ZNF114: variants seen among roughly 807,000 people sequenced by gnomAD.
ZNF114 encodes the protein zinc finger protein 114 (Y18).
Under a neutral mutation model 6.8 loss-of-function variants are expected in ZNF114, and 8 were observed. The ratio of observed to expected loss-of-function variants is 1.18; its 90% CI spans 0.69 to 2.13. ZNF114 has a LOEUF of 2.13. Ranked by LOEUF, ZNF114 falls within the 30% of genes most tolerant of loss-of-function variation. ZNF114 has a pLI of 0.00. For missense variants in ZNF114, 472 were observed against 519.5 expected (o/e 0.91, Z 0.89); for synonymous variants, 169 against 185.5 (o/e 0.91, Z 0.72).
intron 3 of ZNF114, among the ~76,000 whole-genome samples, chr19:48,277,851 C>A (rs1384016049): frequency 1.5e-5 from 1 of 68,804 alleles, no homozygotes; most frequent in Admixed American, 1.5e-4. Context: ...CGATATGAAG[C>A]CTTTTCATCT....
intron 4 of ZNF114, among the ~76,000 whole-genome samples, chr19:48,280,959 C>T (rs575212883): frequency 9.2e-5 from 14 of 152,252 alleles, no homozygotes; most frequent in Non-Finnish European, 1.8e-4. Context: ...GATTGAAGTC[C>T]GGTCGCGTGA....
intron 5 of ZNF114, among the ~76,000 whole-genome samples, 196 bp downstream of exon 5, chr19:48,282,693 ATATTTTATTT>A (rs139550788): frequency 0.2 from 30,206 of 149,900 alleles, 3,461 homozygotes; most frequent in Non-Finnish European, 0.25. Flanking sequence ...ATTTTATTTT[ATATTTTATTT>A]TATTTTATTT....
chr19:48,282,267 C>T, intron 4 of ZNF114, 104 bp from the exon 5 acceptor site: 15 of 1,484,384 alleles, frequency 1.0e-5, no homozygotes, highest in South Asian at 1.2e-5. Flanking sequence ...TTTGCAGGTA[C>T]CAAGGGTTAA....
At chr19:48,278,325 C>G (rs961497371) in intron 3 of ZNF114, among the ~76,000 whole-genome samples, 12 of 152,174 alleles carry the variant, frequency 7.9e-5, no homozygotes, top group Admixed American at 1.3e-4. Context: ...TTCCATCACC[C>G]CTGAAAGAAG....
In ZNF114 at chr19:48,286,410, T is replaced by A. The variant is rs745734288; in HGVS notation, c.786T>A (p.Ile262=). ...QCENTSRNNS[I]HAMQMQLYTA... ...AGAACACCTCCAGAAATAACTCAATTCACGCCATGCAGATGCAGTTGTATA... is the reference window on the plus strand; with the variant it reads ...AGAACACCTCCAGAAATAACTCAATACACGCCATGCAGATGCAGTTGTATA... The change falls in exon 6 of 6, where the codon ATT becomes ATA. Residue 262 remains isoleucine (I), a synonymous_variant. Coordinates refer to ENST00000595607, the MANE Select transcript of ZNF114 (RefSeq NM_153608.4). The A allele has an allele frequency of 6.2e-7, 1 of 1,614,150 alleles. No individual in the cohort carries two copies. Among genetic ancestry groups the A allele is most frequent in the Non-Finnish European group, 8.5e-7 (1 of 1,180,036 alleles).
Position 48,275,595 on chromosome 19 carries a change from G to A in ZNF114, c.-70+3767G>A, listed in dbSNP as rs1967807966. Among the ~76,000 whole-genome samples the A allele has an allele frequency of 3.3e-5, 5 of 152,074 alleles. No homozygotes were observed. The South Asian group carries it at 1.0e-3, about 31-fold the overall frequency. ...ACTGCACTCCAGCCTGGGTGATAGA[G>A]CGAGACCTTGTCTTGAAACATATAT... On this transcript the variant is annotated intron_variant, in intron 3 of 5. Coordinates refer to ENST00000595607, the MANE Select transcript of ZNF114 (RefSeq NM_153608.4).
chr19:48,283,686 T>C (rs1968048266), intron 5 of ZNF114, among the ~76,000 whole-genome samples: 1 of 151,692 alleles, frequency 6.6e-6, no homozygotes. Flanking sequence ...ACCGAGGAGA[T>C]GGGAGGAGAC....
At chr19:48,274,636 A>C (rs1291340167) in intron 3 of ZNF114, among the ~76,000 whole-genome samples, 3 of 151,292 alleles carry the variant, frequency 2.0e-5, no homozygotes, top group Non-Finnish European at 4.4e-5. Flanking sequence ...CCTCTCTAGT[A>C]GCTGGGATTA....
chr19:48,276,657 G>A (rs1450169911), intron 3 of ZNF114, among the ~76,000 whole-genome samples: 1 of 152,170 alleles, frequency 6.6e-6, no homozygotes, highest in African/African-American at 2.4e-5. Flanking sequence ...CTGAGTAGCT[G>A]AGACTAGAGG....
At position 48,285,840 on chromosome 19, in the gene ZNF114, C is replaced by T. The variant is rs775771231; in HGVS notation, c.216C>T (p.Asn72=). The part of the protein sequence containing the change: ...ILPKRTFPEA[N]RVCLTSISSQ... Reference sequence around the variant, plus strand: ...CTAAAAGAACATTTCCTGAAGCCAACAGAGTGTGTCTCACGAGCATCAGTT... The same window carrying T: ...CTAAAAGAACATTTCCTGAAGCCAATAGAGTGTGTCTCACGAGCATCAGTT... Residue 72 remains asparagine, a synonymous_variant, in exon 6 of 6, where the codon AAC becomes AAT. Coordinates refer to ENST00000595607, the MANE Select transcript of ZNF114 (RefSeq NM_153608.4). 1 of 1,614,180 alleles carries T rather than the reference C, an allele frequency of 6.2e-7. No homozygotes were observed. The highest frequency in any genetic ancestry group is 8.5e-7 in the Non-Finnish European group (1 of 1,180,040).
chr19:48,280,907 G>A (rs1265479621), intron 4 of ZNF114, among the ~76,000 whole-genome samples: 1 of 152,152 alleles, frequency 6.6e-6, no homozygotes, highest in African/African-American at 2.4e-5. Flanking sequence ...AGCCTGAACA[G>A]GCTAATGCAT....
chr19:48,282,328 T>A, intron 4 of ZNF114, 43 bp from the exon 5 acceptor site: 2 of 1,609,444 alleles, frequency 1.2e-6, no homozygotes, highest in Non-Finnish European at 1.7e-6. Context: ...TTCAAACTGA[T>A]AACAGGACAC....
At chr19:48,274,963 G>T (rs1390121097) in intron 3 of ZNF114, among the ~76,000 whole-genome samples, 1 of 151,780 alleles carries the variant, frequency 6.6e-6, no homozygotes, top group Non-Finnish European at 1.5e-5. Context: ...GCATTTGTGT[G>T]GTTGTTCCTT....
chr19:48,285,545 A>AAGGAAGGAAGGAAGG (rs1053864764), intron 5 of ZNF114, among the ~76,000 whole-genome samples: 5 of 150,032 alleles, frequency 3.3e-5, no homozygotes, highest in Non-Finnish European at 5.9e-5. Context: ...GAGAGGAAAG[A>AAGGAAGGAAGGAAGG]AGGAAGGAAG....
Position 48,286,651 on chromosome 19 carries a change from T to C in ZNF114, c.1027T>C (p.Tyr343His), listed in dbSNP as rs1405743387. 3 of 1,613,576 alleles carry C rather than the reference T, an allele frequency of 1.9e-6. No homozygotes were observed. Among genetic ancestry groups the C allele is most frequent in the Non-Finnish European group, 2.5e-6 (3 of 1,179,912 alleles). Residue 343 changes from tyrosine (Y) to histidine (H), a missense_variant, in exon 6 of 6, where the codon TAT becomes CAT. Coordinates refer to ENST00000595607, the MANE Select transcript of ZNF114 (RefSeq NM_153608.4). Reference sequence around the variant, plus strand: ...TGGGAAATGTGGGAAAGCCTTTAGATATTCCTTACACCTTAATAAACATTT... The same window carrying C: ...TGGGAAATGTGGGAAAGCCTTTAGACATTCCTTACACCTTAATAAACATTT... ...ECGKCGKAFR[Y>H]SLHLNKHLRK...
chr19:48,280,126 T>A (rs923640092), intron 4 of ZNF114, among the ~76,000 whole-genome samples: 1 of 152,160 alleles, frequency 6.6e-6, no homozygotes, highest in Non-Finnish European at 1.5e-5. Flanking sequence ...CTCAAGCCTG[T>A]AATTCCAGGA....
chr19:48,275,442 A>ACG (rs1463981734), intron 3 of ZNF114, among the ~76,000 whole-genome samples: 2 of 150,564 alleles, frequency 1.3e-5, no homozygotes, highest in Non-Finnish European at 3.0e-5. Flanking sequence ...ACACACACAC[A>ACG]CACACACACA....
In ZNF114 at chr19:48,276,987, G is replaced by A. The variant is rs138019197; in HGVS notation, c.-69-2744G>A. Reference sequence around the variant, plus strand: ...AGCCTGGCCAACATAGTGAAACCCCGTCTCTACTAAAAATACAAAAATTAG... The same window carrying A: ...AGCCTGGCCAACATAGTGAAACCCCATCTCTACTAAAAATACAAAAATTAG... On this transcript the variant is annotated intron_variant, in intron 3 of 5. Coordinates refer to ENST00000595607, the MANE Select transcript of ZNF114 (RefSeq NM_153608.4). Among the ~76,000 whole-genome samples the A allele has an allele frequency of 4.1e-3, 629 of 151,956 alleles. 1 individual carries two copies. The highest frequency in any genetic ancestry group is 6.1e-3 in the Non-Finnish European group (413 of 67,968).
At chr19:48,283,179 C>A (rs1409817837) in intron 5 of ZNF114, among the ~76,000 whole-genome samples, 1 of 152,148 alleles carries the variant, frequency 6.6e-6, no homozygotes, top group Non-Finnish European at 1.5e-5. Context: ...CCACCCCCAG[C>A]TAATGCATTA....
Sources: allele counts gnomAD v4.1 joint callset (sites outside exome capture counted in the v4.1 genomes callset), GRCh38; gene constraint gnomAD v4.1.1; transcripts MANE v1.5; gene names NCBI Gene and HGNC (gene_info 2026-07-23, HGNC 2026-07-21).